Variants in PARL observed in about 807,000 individuals in gnomAD.
PARL encodes presenilin-associated rhomboid-like protein, mitochondrial.
PARL carries 44 observed loss-of-function variants against 51.6 expected under a neutral mutation model. That is an observed-to-expected ratio of 0.85 (90% CI 0.67 to 1.10). The LOEUF is 1.10. PARL is among the 50% of genes least tolerant of loss of function. The probability of loss-of-function intolerance (pLI) is 0.00; values close to 1 mark genes in which losing one functional copy is unlikely to be tolerated. For synonymous variants in PARL, 172 were observed against 164.0 expected (o/e 1.05, Z -0.37); for missense variants, 441 against 469.5 (o/e 0.94, Z 0.56).
chr3:183,858,151 G>C (rs1731380532), intron 4 of PARL, among the ~76,000 whole-genome samples: 1 of 152,202 alleles, frequency 6.6e-6, no homozygotes, highest in African/African-American at 2.4e-5. Context: ...TAACTTGTTT[G>C]CAGACTGGGA....
At chr3:183,830,317 G>A (rs1159649150) in intron 9 of PARL, among the ~76,000 whole-genome samples, 4 of 152,332 alleles carry the variant, frequency 2.6e-5, no homozygotes, top group Middle Eastern at 3.4e-3. Context: ...TAGTAACTTC[G>A]CCTGCTCAGG....
intron 4 of PARL, among the ~76,000 whole-genome samples, chr3:183,860,674 T>C (rs1477968651): frequency 6.6e-6 from 1 of 152,224 alleles, no homozygotes; most frequent in African/African-American, 2.4e-5. Flanking sequence ...TTTTAAACTC[T>C]GATGCTAGGC....
At chr3:183,853,268 T>C (rs879583953) in intron 4 of PARL, among the ~76,000 whole-genome samples, 2 of 148,544 alleles carry the variant, frequency 1.3e-5, no homozygotes, top group Non-Finnish European at 3.0e-5. Context: ...AAATAAAGAA[T>C]GCTTATAACT....
intron 1 of PARL, among the ~76,000 whole-genome samples, chr3:183,884,185 C>T (rs1166773377): frequency 6.6e-6 from 1 of 152,330 alleles, no homozygotes; most frequent in Non-Finnish European, 1.5e-5. Context: ...CGGCAGTTTT[C>T]TTTCCAAATC....
intron 1 of PARL, among the ~76,000 whole-genome samples, chr3:183,874,944 C>A (rs1213174918): frequency 3.3e-5 from 5 of 152,266 alleles, no homozygotes; most frequent in Middle Eastern, 3.4e-3. Flanking sequence ...TGGTGGCTTG[C>A]GCCTATAGTA....
intron 4 of PARL, among the ~76,000 whole-genome samples, chr3:183,860,413 A>G (rs969352040): frequency 1.3e-5 from 2 of 152,266 alleles, no homozygotes; most frequent in African/African-American, 4.8e-5. Flanking sequence ...GCATTTCCTG[A>G]GGTTAAAGTC....
chr3:183,835,739 C>T (rs568813421), intron 7 of PARL, among the ~76,000 whole-genome samples: 3 of 151,976 alleles, frequency 2.0e-5, no homozygotes, highest in South Asian at 2.1e-4. Context: ...TGGTGGTGGG[C>T]GCCTGTAGTC....
intron 9 of PARL, among the ~76,000 whole-genome samples, chr3:183,830,380 A>G (rs1727795231): frequency 6.6e-6 from 1 of 152,218 alleles, no homozygotes; most frequent in South Asian, 2.1e-4. Flanking sequence ...CTGCTGCTGA[A>G]GCCTGTGCTG....
rs759375419 is a variant in PARL at position 183,862,792 on chromosome 3, A to G, written c.472T>C (p.Trp158Arg). Residue 158 changes from tryptophan to arginine, a missense_variant, in exon 4 of 10, where the codon TGG becomes CGG. Coordinates refer to ENST00000317096, the MANE Select transcript of PARL (RefSeq NM_018622.7). ...TGGCCATCACTTAGGTTATTCCACC[A>G]CTTGTTAATCTAAAACAGACAGAAA... ...EGDFRKEINKWWNNLSDGQRT... is the reference protein window; with the variant it reads ...EGDFRKEINKRWNNLSDGQRT... 63 of 1,613,240 alleles carry G rather than the reference A, an allele frequency of 3.9e-5. No individual in the cohort carries two copies. The highest frequency in any genetic ancestry group is 5.1e-5 in the Non-Finnish European group (60 of 1,179,278).
At chr3:183,852,489 G>A (rs1730659462) in intron 4 of PARL, among the ~76,000 whole-genome samples, 1 of 152,196 alleles carries the variant, frequency 6.6e-6, no homozygotes, top group African/African-American at 2.4e-5. Context: ...ACTAGTGGCT[G>A]AGGGGAGGGG....
intron 7 of PARL, among the ~76,000 whole-genome samples, chr3:183,838,239 C>T (rs572906798): frequency 3.9e-5 from 6 of 152,126 alleles, no homozygotes; most frequent in Admixed American, 2.0e-4. Context: ...GTTGCCCAGG[C>T]TAGTCTCAAA....
intron 9 of PARL, 83 bp downstream of exon 9, chr3:183,833,409 G>A: frequency 2.4e-6 from 2 of 848,244 alleles, no homozygotes; most frequent in Non-Finnish European, 4.1e-6. Context: ...CTGCCATGGG[G>A]ATGGGGGGTA....
rs946109868 is a variant in PARL at position 183,884,709 on chromosome 3, C to T, written c.125+13G>A. ...ACCAAGAGGCGAGAAGACCAGAGCGCGGCGGCTATTACCTGCGTCCGAGGA... is the reference window on the plus strand; with the variant it reads ...ACCAAGAGGCGAGAAGACCAGAGCGTGGCGGCTATTACCTGCGTCCGAGGA... On this transcript the variant is annotated intron_variant, in intron 1 of 9. Coordinates refer to ENST00000317096, the MANE Select transcript of PARL (RefSeq NM_018622.7). 4 of 1,585,346 alleles carry T rather than the reference C, an allele frequency of 2.5e-6. No homozygotes were observed. Among genetic ancestry groups the T allele is most frequent in the African/African-American group, 1.3e-5 (1 of 74,328 alleles).
At chr3:183,835,770 G>T (rs1728501202) in intron 7 of PARL, among the ~76,000 whole-genome samples, 1 of 152,138 alleles carries the variant, frequency 6.6e-6, no homozygotes, top group Admixed American at 6.6e-5. Flanking sequence ...GGAAGGCTGA[G>T]GTTGTGGTGA....
Position 183,829,432 on chromosome 3 carries a change from AT to A in PARL, c.*165del. ...ACCTTTATTTCACAACTTTATCATC[AT>A]TCACATTCTAAAAAGACACGGACTG... On this transcript the variant is annotated 3_prime_UTR_variant, in exon 10 of 10. Transcript: ENST00000317096. 1.3e-6 allele frequency: 2 copies of A among 1,578,736 alleles called. No individual in the cohort carries two copies. The highest frequency in any genetic ancestry group is 1.7e-6 in the Non-Finnish European group (2 of 1,164,622).
chr3:183,863,963 C>A (rs1732143225), intron 3 of PARL, among the ~76,000 whole-genome samples: 1 of 152,142 alleles, frequency 6.6e-6, no homozygotes, highest in Non-Finnish European at 1.5e-5. Flanking sequence ...TCATTTTTCA[C>A]CATTCTCAAG....
chr3:183,874,951 A>C (rs1048496784), intron 1 of PARL, among the ~76,000 whole-genome samples: 1 of 152,216 alleles, frequency 6.6e-6, no homozygotes, highest in African/African-American at 2.4e-5. Context: ...TTGCGCCTAT[A>C]GTACTAGCTA....
intron 4 of PARL, among the ~76,000 whole-genome samples, chr3:183,845,940 A>T (rs1374019997): frequency 6.6e-6 from 1 of 152,160 alleles, no homozygotes; most frequent in Non-Finnish European, 1.5e-5. Flanking sequence ...TATGATCATG[A>T]TCAGTCAGGG....
At chr3:183,829,846 C>T (rs776671591) in intron 9 of PARL, 137 bp from the exon 10 acceptor site, 35 of 761,454 alleles carry the variant, frequency 4.6e-5, no homozygotes, top group Admixed American at 2.1e-4. Flanking sequence ...TGACTCACAT[C>T]GAGAAATGGT....
Sources: allele counts gnomAD v4.1 joint callset (sites outside exome capture counted in the v4.1 genomes callset), GRCh38; gene constraint gnomAD v4.1.1; transcripts MANE v1.5; gene names NCBI Gene and HGNC (gene_info 2026-07-23, HGNC 2026-07-21).